TOP6BL: variants seen among roughly 807,000 people sequenced by gnomAD.
The protein encoded by TOP6BL is type 2 DNA topoisomerase 6 subunit B-like.
At chr11:66,790,388 C>A in the TOP6BL span, among the ~76,000 whole-genome samples, 3 of 151,982 alleles carry the variant, frequency 2.0e-5, no homozygotes, top group East Asian at 5.8e-4. Flanking sequence ...AGAAGTGAGC[C>A]CTGAATGCTA....
At chr11:66,841,766 C>T in the TOP6BL span, among the ~76,000 whole-genome samples, 2 of 152,296 alleles carry the variant, frequency 1.3e-5, no homozygotes, top group African/African-American at 4.8e-5. Context: ...CACGCCACTG[C>T]ACTCCAGCCT....
the TOP6BL span, among the ~76,000 whole-genome samples, chr11:66,747,445 A>C: frequency 1.6e-3 from 242 of 151,430 alleles, no homozygotes; most frequent in African/African-American, 5.6e-3. Context: ...TCCAGGGCTC[A>C]AGCGATTCTC....
the TOP6BL span, among the ~76,000 whole-genome samples, chr11:66,839,528 C>T: frequency 6.6e-6 from 1 of 152,144 alleles, no homozygotes; most frequent in Non-Finnish European, 1.5e-5. Context: ...TTGGTAAATC[C>T]CTCTTTCTAG....
chr11:66,754,320 G>A, the TOP6BL span, among the ~76,000 whole-genome samples: 1 of 151,992 alleles, frequency 6.6e-6, no homozygotes, highest in Admixed American at 6.6e-5. Flanking sequence ...TCCTAGACTG[G>A]TTCTTTTTCC....
At chr11:66,747,229 C>G in the TOP6BL span, among the ~76,000 whole-genome samples, 1 of 152,090 alleles carries the variant, frequency 6.6e-6, no homozygotes, top group Non-Finnish European at 1.5e-5. Flanking sequence ...AGCTACCACA[C>G]CCGGTCGATT....
the TOP6BL span, among the ~76,000 whole-genome samples, chr11:66,793,076 C>T: frequency 6.6e-6 from 1 of 150,460 alleles, no homozygotes; most frequent in African/African-American, 2.4e-5. Context: ...AATCCCCCAT[C>T]CATTTTGGTA....
At chr11:66,744,971 T>G in the TOP6BL span, 2 of 1,240,310 alleles carry the variant, frequency 1.6e-6, no homozygotes, top group Non-Finnish European at 2.0e-6. Flanking sequence ...GGAGACGGGC[T>G]TTGTGAGGAG....
chr11:66,843,307 CT>C, the TOP6BL span: 1 of 1,552,532 alleles, frequency 6.4e-7, no homozygotes, highest in Non-Finnish European at 8.7e-7. Flanking sequence ...TTTAATAAAG[CT>C]GCCGCGCGCT....
the TOP6BL span, among the ~76,000 whole-genome samples, chr11:66,792,120 A>C: frequency 6.6e-6 from 1 of 152,068 alleles, no homozygotes; most frequent in South Asian, 2.1e-4. Flanking sequence ...TCCTCTCTCT[A>C]ATAATTCTAT....
At chr11:66,802,485 TG>T in the TOP6BL span, among the ~76,000 whole-genome samples, 1 of 152,056 alleles carries the variant, frequency 6.6e-6, no homozygotes, top group East Asian at 1.9e-4. Context: ...AATTTTTTTT[TG>T]TAGAGATGAG....
chr11:66,778,556 C>T, the TOP6BL span, among the ~76,000 whole-genome samples: 1 of 152,136 alleles, frequency 6.6e-6, no homozygotes, highest in Non-Finnish European at 1.5e-5. Flanking sequence ...CACTACCTGA[C>T]TTCAAGACTT....
At chr11:66,782,148 C>CT in the TOP6BL span, among the ~76,000 whole-genome samples, 1 of 152,084 alleles carries the variant, frequency 6.6e-6, no homozygotes, top group African/African-American at 2.4e-5. Context: ...TGGCTTTAGA[C>CT]TTTTTTGGGG....
At chr11:66,758,974 C>T in the TOP6BL span, 1 of 1,196,374 alleles carries the variant, frequency 8.4e-7, no homozygotes, top group South Asian at 1.6e-5. Flanking sequence ...TTTTTAGACT[C>T]TCATTTGATT....
At chr11:66,806,385 A>G in the TOP6BL span, among the ~76,000 whole-genome samples, 4 of 152,226 alleles carry the variant, frequency 2.6e-5, no homozygotes, top group Admixed American at 2.6e-4. Context: ...TGAAGCTCCT[A>G]GCATATAATG....
At chr11:66,795,264 A>C in the TOP6BL span, among the ~76,000 whole-genome samples, 3 of 151,090 alleles carry the variant, frequency 2.0e-5, no homozygotes, top group East Asian at 5.8e-4. Flanking sequence ...AGTGATATCT[A>C]TTATTGTTAC....
chr11:66,765,209 A>G, the TOP6BL span, among the ~76,000 whole-genome samples: 38 of 152,344 alleles, frequency 2.5e-4, no homozygotes, highest in Admixed American at 1.2e-3. Context: ...ATGGGTTATC[A>G]TTTATGGAAT....
At chr11:66,812,325 C>T in the TOP6BL span, among the ~76,000 whole-genome samples, 13 of 152,144 alleles carry the variant, frequency 8.5e-5, no homozygotes, top group African/African-American at 1.9e-4. Context: ...TACAGGCGCC[C>T]GCCACTACGC....
chr11:66,814,763 T>G, the TOP6BL span, among the ~76,000 whole-genome samples: 21 of 152,210 alleles, frequency 1.4e-4, no homozygotes, highest in African/African-American at 4.6e-4. Flanking sequence ...ACTGAGAAAA[T>G]CCACATAAAA....
the TOP6BL span, among the ~76,000 whole-genome samples, chr11:66,786,221 C>A: frequency 6.6e-6 from 1 of 151,968 alleles, no homozygotes; most frequent in South Asian, 2.1e-4. Flanking sequence ...CCTGTTGAAC[C>A]TGGGAGGCAG....
Sources: allele counts gnomAD v4.1 joint callset (sites outside exome capture counted in the v4.1 genomes callset), GRCh38; gene constraint gnomAD v4.1.1; transcripts MANE v1.5; gene names NCBI Gene and HGNC (gene_info 2026-07-23, HGNC 2026-07-21).